Variants in SGCZ observed in about 807,000 individuals in gnomAD.
SGCZ encodes zeta-sarcoglycan.
In SGCZ, 40 loss-of-function variants were observed where a neutral mutation model predicts 41.3. The ratio of observed to expected loss-of-function variants is 0.97; its 90% CI spans 0.75 to 1.26. SGCZ has a LOEUF of 1.26. Among genes scored for constraint, SGCZ ranks in the 50% most tolerant of loss-of-function variants. The pLI, the probability that SGCZ is intolerant of heterozygous loss-of-function variation, is 0.00. For missense variants in SGCZ, 552 were observed against 369.8 expected, an observed-to-expected ratio of 1.49 and a Z score of -4.04; for synonymous variants, 206 against 137.5, an observed-to-expected ratio of 1.50 and a Z score of -3.49.
At position 14,705,819 on chromosome 8, in the gene SGCZ, A is replaced by C. The variant is rs151324721; in HGVS notation, c.40-150893T>G. ...CCAATATTTTTACCCTTTTTTATTC[A>C]GTACATAGAACTTTGAATAAATTGT... is the stretch of plus-strand genomic sequence containing the variant. On this transcript the variant is annotated intron_variant, in intron 1 of 7. Transcript: ENST00000382080. Among the ~76,000 whole-genome samples the C allele has an allele frequency of 1.8e-3, 277 of 152,146 alleles. 2 individuals are homozygous for C. In the South Asian group the frequency reaches 0.019, roughly 11 times the overall value.
chr8:15,235,679 T>C (rs73667928), intron 1 of SGCZ, among the ~76,000 whole-genome samples: 5,624 of 152,228 alleles, frequency 0.037, 138 homozygotes, highest in African/African-American at 0.076. Context: ...AACAACAATG[T>C]ATTGGCACTG....
intron 4 of SGCZ, among the ~76,000 whole-genome samples, chr8:14,209,352 G>A (rs1480341674): frequency 1.3e-5 from 2 of 151,500 alleles, no homozygotes; most frequent in Admixed American, 6.6e-5. Context: ...TCTTTCTTTC[G>A]CCTGTTAAAC....
chr8:14,919,945 G>T (rs1799543934), intron 1 of SGCZ, among the ~76,000 whole-genome samples: 1 of 152,038 alleles, frequency 6.6e-6, no homozygotes, highest in South Asian at 2.1e-4. Context: ...TTGTTTTAAA[G>T]AAAACTATTA....
At chr8:14,127,346 A>T (rs1802892964) in intron 5 of SGCZ, among the ~76,000 whole-genome samples, 2 of 152,144 alleles carry the variant, frequency 1.3e-5, no homozygotes, top group Non-Finnish European at 1.5e-5. Context: ...GAGCAAATGA[A>T]TTACTATAAA....
intron 1 of SGCZ, among the ~76,000 whole-genome samples, chr8:15,213,288 G>T (rs1036226478): frequency 5.3e-5 from 8 of 151,836 alleles, no homozygotes; most frequent in Admixed American, 2.6e-4. Context: ...TCTTCTAGAG[G>T]TTTTGATTTT....
At chr8:14,430,595 A>G (rs930427576) in intron 2 of SGCZ, among the ~76,000 whole-genome samples, 1 of 152,146 alleles carries the variant, frequency 6.6e-6, no homozygotes, top group Non-Finnish European at 1.5e-5. Flanking sequence ...ATAATACGGA[A>G]TGGGGAAAAG....
intron 1 of SGCZ, among the ~76,000 whole-genome samples, chr8:14,809,726 C>T (rs746162947): frequency 2.8e-4 from 42 of 151,944 alleles, no homozygotes; most frequent in Non-Finnish European, 4.9e-4. Flanking sequence ...AAGAAGTGAC[C>T]GCAGTACCCA....
rs115954699 is a variant in SGCZ, at chr8:15,177,993, A to G, written c.39+59592T>C. Among the ~76,000 whole-genome samples the G allele has an allele frequency of 6.1e-3, 929 of 152,098 alleles. 13 individuals are homozygous for G. Among genetic ancestry groups the G allele is most frequent in the African/African-American group, 0.021 (879 of 41,478 alleles). On this transcript the variant is annotated intron_variant, in intron 1 of 7. Transcript: ENST00000382080. ...GAATAATTTCTATTTACCACTCACC[A>G]CTTCCTATGACCTCTACCTGTAAGC...
chr8:15,060,221 T>C (rs1804868691), intron 1 of SGCZ, among the ~76,000 whole-genome samples: 1 of 152,044 alleles, frequency 6.6e-6, no homozygotes, highest in African/African-American at 2.4e-5. Flanking sequence ...CATGCACACA[T>C]ATGTTTATTG....
chr8:14,383,283 A>G (rs941013428), intron 2 of SGCZ, among the ~76,000 whole-genome samples: 1 of 152,240 alleles, frequency 6.6e-6, no homozygotes, highest in Admixed American at 6.5e-5. Flanking sequence ...AGAAATACTG[A>G]TAAGAGACAT....
chr8:14,873,374 A>G (rs1273769519), intron 1 of SGCZ, among the ~76,000 whole-genome samples: 1 of 152,094 alleles, frequency 6.6e-6, no homozygotes, highest in Non-Finnish European at 1.5e-5. Flanking sequence ...CATGCCTTCA[A>G]TTCTATGGAA....
intron 1 of SGCZ, among the ~76,000 whole-genome samples, chr8:15,211,222 C>G (rs73667925): frequency 6.6e-6 from 1 of 151,674 alleles, no homozygotes; most frequent in African/African-American, 2.4e-5. Context: ...AATACATACT[C>G]ACATACTTCA....
At chr8:14,849,792 G>A (rs1803252470) in intron 1 of SGCZ, among the ~76,000 whole-genome samples, 1 of 152,092 alleles carries the variant, frequency 6.6e-6, no homozygotes, top group Non-Finnish European at 1.5e-5. Flanking sequence ...GGAAAACTGT[G>A]CTTCAATAAA....
chr8:14,400,133 G>C (rs936292473), intron 2 of SGCZ, among the ~76,000 whole-genome samples: 2 of 152,022 alleles, frequency 1.3e-5, no homozygotes, highest in Non-Finnish European at 2.9e-5. Flanking sequence ...TCTTTTGTGA[G>C]TAGCTTCTTT....
intron 1 of SGCZ, among the ~76,000 whole-genome samples, chr8:14,783,985 G>C (rs1411870233): frequency 6.6e-6 from 1 of 151,530 alleles, no homozygotes. Flanking sequence ...ACATATGAGA[G>C]TTCTTAAAAT....
At chr8:14,796,892 C>G (rs1477598120) in intron 1 of SGCZ, among the ~76,000 whole-genome samples, 1 of 152,092 alleles carries the variant, frequency 6.6e-6, no homozygotes, top group Non-Finnish European at 1.5e-5. Context: ...AAGGGGATTC[C>G]CCCTTCACTC....
At chr8:14,439,550 G>T (rs918713290) in intron 2 of SGCZ, among the ~76,000 whole-genome samples, 1 of 151,514 alleles carries the variant, frequency 6.6e-6, no homozygotes, top group Admixed American at 6.6e-5. Flanking sequence ...TATTAGCAAA[G>T]GGAATTCGTA....
intron 1 of SGCZ, among the ~76,000 whole-genome samples, chr8:14,956,262 T>C (rs1428198003): frequency 1.3e-5 from 2 of 152,006 alleles, no homozygotes; most frequent in African/African-American, 2.4e-5. Flanking sequence ...ATGGTCTTGA[T>C]CTCTTGACCT....
intron 1 of SGCZ, among the ~76,000 whole-genome samples, chr8:14,813,684 G>T (rs910562461): frequency 4.6e-5 from 7 of 152,180 alleles, no homozygotes; most frequent in African/African-American, 1.7e-4. Flanking sequence ...GCGAGCAGTG[G>T]CTCACGCCTG....
Sources: allele counts gnomAD v4.1 joint callset (sites outside exome capture counted in the v4.1 genomes callset), GRCh38; gene constraint gnomAD v4.1.1; transcripts MANE v1.5; gene names NCBI Gene and HGNC (gene_info 2026-07-23, HGNC 2026-07-21).